RSRP1: variants seen among roughly 807,000 people sequenced by gnomAD.
RSRP1 encodes the protein arginine/serine-rich protein 1.
RSRP1 carries 37 observed loss-of-function variants against 33.0 expected under a neutral mutation model. The ratio of observed to expected loss-of-function variants is 1.12; its 90% CI spans 0.86 to 1.48. RSRP1 has a LOEUF of 1.48. RSRP1 is among the 40% of genes most tolerant of loss of function. The pLI is 0.00. For synonymous variants in RSRP1, 167 were observed against 158.7 expected (o/e 1.05, Z -0.40); for missense variants, 402 against 385.3 (o/e 1.04, Z -0.36).
In RSRP1 at chr1:25,284,566, C is replaced by T. The variant is rs2301154; in HGVS notation, c.-66-37537G>A. ...CTCGTCCTTCTCGCCATCTCCCCAC[C>T]GAGCAGTTGGCCAAGATCTGACCGT... On this transcript the variant is annotated intron_variant, in intron 1 of 1. Coordinates refer to the RSRP1 transcript ENST00000561867. 142 of 1,388,746 alleles carry T rather than the reference C, an allele frequency of 1.0e-4. 1 individual carries two copies. The East Asian group carries it at 2.2e-3, about 22-fold the overall frequency. The allele number at this position is 1,388,746 out of a possible 1,614,324, so 86.0% of individuals were successfully genotyped here. A position where few individuals can be genotyped will look rare whatever the true frequency, so the allele number is the denominator to read the frequency against.
chr1:25,293,760 A>T lies in RSRP1; in HGVS notation c.-67+44218T>A, dbSNP rs1190192276. On this transcript the variant is annotated intron_variant, in intron 1 of 1. Coordinates refer to the RSRP1 transcript ENST00000561867. Reference sequence around the variant, plus strand: ...CTGTCTAATTTTCTGCAAAGTTTTTATTCATGAATTAAGAGTATTTCCCTT... The same window carrying T: ...CTGTCTAATTTTCTGCAAAGTTTTTTTTCATGAATTAAGAGTATTTCCCTT... 9.1e-5 allele frequency among the ~76,000 whole-genome samples: 12 copies of T among 132,450 alleles called. 1 individual carries two copies. The highest frequency in any genetic ancestry group is 3.1e-4 in the African/African-American group (12 of 38,648). The allele number at this position is 132,450 out of a possible 152,430, so 86.9% of individuals were successfully genotyped here.
chr1:25,258,180 A>ATTAT (rs58528021), intron 1 of RSRP1, among the ~76,000 whole-genome samples: 2,594 of 151,694 alleles, frequency 0.017, 67 homozygotes, highest in African/African-American at 0.059. Context: ...GCATAATCTC[A>ATTAT]TTATTTATTT....
chr1:25,286,350 G>A (rs149460734), intron 1 of RSRP1, among the ~76,000 whole-genome samples: 2,629 of 134,564 alleles, frequency 0.02, 42 homozygotes, highest in Middle Eastern at 0.07. Flanking sequence ...TCAGCTAGGC[G>A]TGGTGGTGTG....
rs615810 is a variant in RSRP1, at chr1:25,281,184, G to C, written c.-66-34155C>G. Among the ~76,000 whole-genome samples the C allele has an allele frequency of 3.9e-3, 512 of 132,074 alleles. 85 individuals are homozygous for C. The highest frequency in any genetic ancestry group is 0.012 in the Middle Eastern group (3 of 242). The allele number at this position is 132,074 out of a possible 152,430, so 86.6% of individuals were successfully genotyped here. On this transcript the variant is annotated intron_variant, in intron 1 of 1. Coordinates refer to the RSRP1 transcript ENST00000561867. ...ACATAGTTCCAGGCATTCAGAGCTG[G>C]GCTCTGCTGCCGGCATGTTTGGGGC... is the stretch of plus-strand genomic sequence containing the variant.
chr1:25,295,693 A>G (rs1170531278), intron 1 of RSRP1, among the ~76,000 whole-genome samples: 1 of 107,358 alleles, frequency 9.3e-6, no homozygotes. Context: ...ATGGAGAGAA[A>G]GGCTGAAGGG....
chr1:25,322,144 C>T lies in RSRP1; in HGVS notation c.-67+15834G>A, dbSNP rs1644743655. 3.8e-5 allele frequency among the ~76,000 whole-genome samples: 5 copies of T among 130,676 alleles called. 2 individuals carry two copies. The South Asian group carries it at 1.2e-3, about 31-fold the overall frequency. The allele number at this position is 130,676 out of a possible 152,430, so 85.7% of individuals were successfully genotyped here. Reference sequence around the variant, plus strand: ...TATGCATGTGTGTGGGGGAGGGTGGCGGGGAGGTGGTAAAGGTCACCATTT... The same window carrying T: ...TATGCATGTGTGTGGGGGAGGGTGGTGGGGAGGTGGTAAAGGTCACCATTT... On this transcript the variant is annotated intron_variant, in intron 1 of 1. Coordinates refer to the RSRP1 transcript ENST00000561867.
In RSRP1 at chr1:25,320,968, C is replaced by A. The variant is rs374703776; in HGVS notation, c.-67+17010G>T. 3.1e-5 allele frequency among the ~76,000 whole-genome samples: 4 copies of A among 130,988 alleles called. 1 individual carries two copies. Among genetic ancestry groups the A allele is most frequent in the African/African-American group, 1.0e-4 (4 of 38,478 alleles). The allele number at this position is 130,988 out of a possible 152,430, so 85.9% of individuals were successfully genotyped here. ...CTGAGGTGGGAGGGTTGCTTGACCC[C>A]GGGAGTTTGAGGCTGCAATGAGCTG... On this transcript the variant is annotated intron_variant, in intron 1 of 1. Coordinates refer to the RSRP1 transcript ENST00000561867.
chr1:25,315,493 C>T, intron 1 of RSRP1, among the ~76,000 whole-genome samples: 1 of 121,724 alleles, frequency 8.2e-6, no homozygotes, highest in African/African-American at 3.0e-5. Context: ...TTTTTCTTTT[C>T]TTTCTTTCTT....
intron 1 of RSRP1, among the ~76,000 whole-genome samples, chr1:25,261,967 C>T (rs1640170615): frequency 6.6e-6 from 1 of 152,112 alleles, no homozygotes; most frequent in Non-Finnish European, 1.5e-5. Flanking sequence ...CTGCCTCGGC[C>T]TCCCAAAGTG....
intron 1 of RSRP1, chr1:25,303,287 C>T (rs1395927323): frequency 7.7e-7 from 1 of 1,290,432 alleles, no homozygotes; most frequent in African/African-American, 1.4e-5. Flanking sequence ...CTCTCTCTAC[C>T]TTGCTTCCTT....
intron 1 of RSRP1, among the ~76,000 whole-genome samples, chr1:25,274,371 G>T (rs1241528595): frequency 2.3e-5 from 3 of 132,444 alleles, no homozygotes; most frequent in Non-Finnish European, 3.6e-5. Context: ...TTGAGTCTTT[G>T]TCATATAACC....
chr1:25,251,825 T>C (rs1244798691), upstream of RSRP1, among the ~76,000 whole-genome samples: 2 of 152,094 alleles, frequency 1.3e-5, no homozygotes, highest in Non-Finnish European at 2.9e-5. Flanking sequence ...AGATAACCAA[T>C]GTTAACAGTT....
rs1219222763 is a variant in RSRP1, at chr1:25,315,154, CA to C, written c.-67+22823del. Among the ~76,000 whole-genome samples the C allele has an allele frequency of 7.8e-5, 10 of 127,824 alleles. No individual in the cohort carries two copies. The East Asian group carries it at 1.4e-3, about 18-fold the overall frequency. The allele number at this position is 127,824 out of a possible 152,430, so 83.9% of individuals were successfully genotyped here. ...CTGGTGACACAGCAAGACTCCATCT[CA>C]AAAAAAAATTTTTTTTGCAAGGTCA... On this transcript the variant is annotated intron_variant, in intron 1 of 1. Transcript: ENST00000561867.
intron 1 of RSRP1, among the ~76,000 whole-genome samples, chr1:25,263,051 TGAAG>T (rs1431030603): frequency 6.6e-6 from 1 of 152,062 alleles, no homozygotes; most frequent in Non-Finnish European, 1.5e-5. Flanking sequence ...AGACAGTGTG[TGAAG>T]GAAGGGCTCT....
In RSRP1 at chr1:25,246,581, C is replaced by T. The variant is rs1361830775; in HGVS notation, c.383G>A (p.Gly128Glu). 1.9e-6 allele frequency: 3 copies of T among 1,614,226 alleles called. No individual in the cohort carries two copies. ...RSRSRGRSYC[G>E]RAYAIARGQR... ...TCCCCGCGCGATCGCGTACGCCCTT[C>T]CGCAGTACGACCTTCCCCGAGAGCG... Residue 128 changes from glycine to glutamate, a missense_variant, in exon 2 of 5, where the codon GGA (glycine) becomes GAA (glutamate). Gly to Glu is a moderately conservative substitution (Grantham distance 98, BLOSUM62 -2). Coordinates refer to ENST00000243189, the MANE Select transcript of RSRP1 (RefSeq NM_020317.5).
At chr1:25,261,706 T>G in intron 1 of RSRP1, among the ~76,000 whole-genome samples, 1 of 74,754 alleles carries the variant, frequency 1.3e-5, no homozygotes, top group Admixed American at 1.2e-4. Flanking sequence ...GCCCAGCAGA[T>G]TTTTTTTTTT....
intron 1 of RSRP1, among the ~76,000 whole-genome samples, chr1:25,274,405 C>T (rs1174712330): frequency 7.6e-6 from 1 of 132,402 alleles, no homozygotes; most frequent in East Asian, 1.9e-4. Context: ...GCCACTATTC[C>T]AACCCTGTAG....
chr1:25,258,498 G>A (rs1557497834), intron 1 of RSRP1, among the ~76,000 whole-genome samples: 1 of 152,116 alleles, frequency 6.6e-6, no homozygotes. Flanking sequence ...GTTCTCATGG[G>A]AGAAGAAGAC....
chr1:25,255,535 AGGG>A (rs1449984982), intron 1 of RSRP1, among the ~76,000 whole-genome samples: 1 of 152,180 alleles, frequency 6.6e-6, no homozygotes, highest in African/African-American at 2.4e-5. Flanking sequence ...TTTCGGCAAC[AGGG>A]ACCAGTTTCG....
Sources: allele counts gnomAD v4.1 joint callset (sites outside exome capture counted in the v4.1 genomes callset), GRCh38; gene constraint gnomAD v4.1.1; transcripts MANE v1.5; gene names NCBI Gene and HGNC (gene_info 2026-07-23, HGNC 2026-07-21).